Variants in SOS2 observed in about 807,000 individuals in gnomAD.
SOS2 encodes SOS Ras/Rho guanine nucleotide exchange factor 2.
Under a neutral mutation model 148.2 loss-of-function variants are expected in SOS2, and 65 were observed. The observed-to-expected ratio is 0.44, with a 90% confidence interval of 0.36 to 0.54. The LOEUF is 0.54. SOS2 is among the 20% of genes least tolerant of loss of function. The pLI is 0.00. For synonymous variants in SOS2, 539 were observed against 537.1 expected (o/e 1.00, Z -0.05); for missense variants, 1,341 against 1,590.2 (o/e 0.84, Z 2.67).
In SOS2 at chr14:50,188,584, T is replaced by C. The variant is rs771839900; in HGVS notation, c.627A>G (p.Glu209=). 3.3e-5 allele frequency: 53 copies of C among 1,607,772 alleles called. No individual in the cohort carries two copies. The highest frequency in any genetic ancestry group is 2.6e-4 in the Admixed American group (15 of 58,030). Residue 209 remains glutamate (E), a synonymous_variant, in exon 5 of 23, where the codon GAA becomes GAG. Coordinates refer to ENST00000216373, the MANE Select transcript of SOS2 (RefSeq NM_006939.4). ...YYDLVRTEIA[E]ERQYLRELNM... is the part of the protein sequence containing the mutation. ...TTAATTCCCGTAGATACTGTCTTTC[T>C]TCTGCGATTTCAGTTCTGACAAGAT... is the stretch of plus-strand genomic sequence containing the variant.
intron 4 of SOS2, among the ~76,000 whole-genome samples, chr14:50,192,994 C>T (rs1886195556): frequency 6.6e-6 from 1 of 152,118 alleles, no homozygotes; most frequent in Non-Finnish European, 1.5e-5. Flanking sequence ...CTTATTCTCT[C>T]ACCTTTTTTT....
intron 1 of SOS2, among the ~76,000 whole-genome samples, chr14:50,220,684 G>A (rs530244381): frequency 1.1e-3 from 164 of 152,026 alleles, no homozygotes; most frequent in African/African-American, 3.6e-3. Context: ...CTCTTAATTA[G>A]GTACTTTCAG....
chr14:50,135,424 AAAAG>A (rs1884044093), intron 18 of SOS2, among the ~76,000 whole-genome samples: 3 of 151,722 alleles, frequency 2.0e-5, no homozygotes, highest in Middle Eastern at 6.8e-3. Context: ...GAAAAAAAGA[AAAAG>A]AAACAGTAAT....
At position 50,182,673 on chromosome 14, in the gene SOS2, A is replaced by C. The variant is rs1789213666; in HGVS notation, c.715-67T>G. 7.6e-6 allele frequency: 10 copies of C among 1,324,482 alleles called. No homozygotes were observed. The South Asian group carries it at 1.1e-4, about 15-fold the overall frequency. 82.0% of individuals were successfully genotyped at this position (1,324,482 alleles called of 1,614,324 possible). Reference sequence around the variant, plus strand: ...ATTCTGCTAAAAAATTACTAAATATAAAGAGCAATATAGGCTACTCGAGGC... The same window carrying C: ...ATTCTGCTAAAAAATTACTAAATATCAAGAGCAATATAGGCTACTCGAGGC... On this transcript the variant is annotated intron_variant, in intron 5 of 22. Coordinates refer to ENST00000216373, the MANE Select transcript of SOS2 (RefSeq NM_006939.4).
chr14:50,120,024 G>A (rs1487451429), intron 22 of SOS2, among the ~76,000 whole-genome samples: 1 of 152,034 alleles, frequency 6.6e-6, no homozygotes, highest in Non-Finnish European at 1.5e-5. Context: ...TGTTGACCAG[G>A]CTGGTCTCGA....
At chr14:50,193,984 A>G (rs1268104674) in intron 4 of SOS2, among the ~76,000 whole-genome samples, 1 of 152,166 alleles carries the variant, frequency 6.6e-6, no homozygotes, top group Non-Finnish European at 1.5e-5. Flanking sequence ...AGCTCAGACA[A>G]TCTGCCCGTC....
chr14:50,217,327 G>C (rs774776537), intron 1 of SOS2, among the ~76,000 whole-genome samples: 8 of 152,166 alleles, frequency 5.3e-5, no homozygotes, highest in Middle Eastern at 3.4e-3. Context: ...AGCACCATAA[G>C]ACAAGGTGAG....
intron 8 of SOS2, among the ~76,000 whole-genome samples, chr14:50,173,445 G>A (rs925791260): frequency 3.9e-4 from 59 of 151,198 alleles, no homozygotes; most frequent in African/African-American, 1.3e-3. Context: ...TTTTTGAGAC[G>A]GAGTCTCGCT....
chr14:50,213,999 C>A (rs572410723), intron 1 of SOS2, among the ~76,000 whole-genome samples: 2 of 151,678 alleles, frequency 1.3e-5, no homozygotes, highest in African/African-American at 4.8e-5. Context: ...GCAATATAAG[C>A]ACTTTTTCTT....
In SOS2 at chr14:50,118,661, T is replaced by C. The variant is rs781674653; in HGVS notation, c.3682A>G (p.Ile1228Val). The C allele has an allele frequency of 5.6e-6, 9 of 1,613,668 alleles. 1 individual carries two copies. In the South Asian group the frequency reaches 8.8e-5, roughly 16 times the overall value. Residue 1228 changes from isoleucine (I) to valine (V), a missense_variant, in exon 23 of 23, where the codon ATA becomes GTA. Around this residue, in one of 4 missense-constraint regions of SOS2, gnomAD observed 354 missense variants for 347.7 expected, o/e 1.02. Coordinates refer to ENST00000216373, the MANE Select transcript of SOS2 (RefSeq NM_006939.4). ...GGCTGAAGATTAAATGGACAGTTTA[T>C]AAAGTGTTCTGGAGGCCGAAGGGGA... ...PVPLRPPEHFINCPFNLQPPP... is the reference protein window; with the variant it reads ...PVPLRPPEHFVNCPFNLQPPP...
At chr14:50,227,920 G>C (rs1020673253) in intron 1 of SOS2, among the ~76,000 whole-genome samples, 7 of 152,162 alleles carry the variant, frequency 4.6e-5, no homozygotes, top group Admixed American at 3.9e-4. Flanking sequence ...TGGAAAATAA[G>C]CAAAAGAATA....
intron 5 of SOS2, among the ~76,000 whole-genome samples, chr14:50,186,434 G>A (rs754876717): frequency 3.9e-5 from 6 of 151,950 alleles, no homozygotes; most frequent in Admixed American, 6.6e-5. Context: ...CAATTATAAC[G>A]TGGTAGAAAA....
At chr14:50,149,605 G>A (rs1157912525) in intron 14 of SOS2, among the ~76,000 whole-genome samples, 1 of 152,158 alleles carries the variant, frequency 6.6e-6, no homozygotes, top group Admixed American at 6.5e-5. Flanking sequence ...TGCAAGGCCT[G>A]TACCCTTCGC....
chr14:50,178,533 G>A (rs1885601228), intron 7 of SOS2, among the ~76,000 whole-genome samples: 1 of 151,170 alleles, frequency 6.6e-6, no homozygotes, highest in South Asian at 2.1e-4. Flanking sequence ...TTGCAATCTC[G>A]GCTCACTGCA....
chr14:50,216,316 T>C (rs1887039539), intron 1 of SOS2, among the ~76,000 whole-genome samples: 1 of 152,012 alleles, frequency 6.6e-6, no homozygotes, highest in East Asian at 1.9e-4. Context: ...AGGCTAGTCT[T>C]GAACTCCTGA....
intron 1 of SOS2, among the ~76,000 whole-genome samples, chr14:50,223,661 G>A (rs981337769): frequency 7.2e-5 from 11 of 151,742 alleles, no homozygotes; most frequent in Non-Finnish European, 4.4e-5. Context: ...GCAAAAAAGC[G>A]AGACTCCATC....
chr14:50,153,008 C>T (rs928352102), intron 13 of SOS2, 62 bp downstream of exon 13: 3 of 778,864 alleles, frequency 3.9e-6, no homozygotes, highest in Non-Finnish European at 6.3e-6. Flanking sequence ...CTTAAAGTCA[C>T]ACAAATTTGA....
At chr14:50,193,042 A>G (rs947113564) in intron 4 of SOS2, among the ~76,000 whole-genome samples, 3 of 151,970 alleles carry the variant, frequency 2.0e-5, no homozygotes, top group Non-Finnish European at 4.4e-5. Flanking sequence ...TGGCACAATA[A>G]TAGCTCACTA....
At chr14:50,140,100 C>A in intron 16 of SOS2, 41 bp from the exon 17 acceptor site, 2 of 976,320 alleles carry the variant, frequency 2.0e-6, no homozygotes, top group South Asian at 3.1e-5. Flanking sequence ...TTTTACAATT[C>A]AATCATATTT....
Sources: allele counts gnomAD v4.1 joint callset (sites outside exome capture counted in the v4.1 genomes callset), GRCh38; gene constraint gnomAD v4.1.1; regional missense constraint gnomAD v4.1.1; transcripts MANE v1.5; gene names NCBI Gene and HGNC (gene_info 2026-07-23, HGNC 2026-07-21).